FBLN5: variants seen among roughly 807,000 people sequenced by gnomAD.
FBLN5 encodes fibulin 5, also known as fibulin-5.
In FBLN5, 24 loss-of-function variants were observed where a neutral mutation model predicts 61.6. The observed-to-expected ratio is 0.39, with a 90% CI of 0.28 to 0.55. The LOEUF (loss-of-function observed/expected upper bound fraction) is 0.55, where lower values mean the gene tolerates loss of function less well. FBLN5 is among the 20% of genes least tolerant of loss of function. The pLI, the probability that FBLN5 is intolerant of heterozygous loss-of-function variation, is 0.65. For synonymous variants in FBLN5, 213 were observed against 219.8 expected, an observed-to-expected ratio of 0.97 and a Z score of 0.27; for missense variants, 470 against 594.1, an observed-to-expected ratio of 0.79 and a Z score of 2.17.
intron 3 of FBLN5, among the ~76,000 whole-genome samples, chr14:91,938,614 G>T (rs915722241): frequency 5.9e-5 from 9 of 152,214 alleles, no homozygotes; most frequent in Non-Finnish European, 1.2e-4. Flanking sequence ...ATGTCTGGAA[G>T]GGGAGAGGTG....
At chr14:91,946,911 C>T (rs540746468) in intron 1 of FBLN5, 1 of 1,461,134 alleles carries the variant, frequency 6.8e-7, no homozygotes. Flanking sequence ...TCCCTTAAAA[C>T]GACAAAGTTG....
chr14:91,876,241 G>T (rs10484030), intron 10 of FBLN5, among the ~76,000 whole-genome samples: 1 of 152,040 alleles, frequency 6.6e-6, no homozygotes, highest in East Asian at 1.9e-4. Flanking sequence ...CAGCCTTATC[G>T]GGAAGATTTC....
intron 3 of FBLN5, chr14:91,939,979 T>C (rs2056081200): frequency 2.2e-6 from 1 of 453,422 alleles, no homozygotes; most frequent in African/African-American, 2.0e-5. Context: ...AGATTCAAAG[T>C]GAGAAACGCT....
chr14:91,913,009 A>C (rs1891023829), intron 4 of FBLN5, among the ~76,000 whole-genome samples: 1 of 152,110 alleles, frequency 6.6e-6, no homozygotes, highest in African/African-American at 2.4e-5. Flanking sequence ...CTCAATATGT[A>C]CTCCATATTG....
intron 2 of FBLN5, 52 bp from the exon 3 acceptor site, chr14:91,940,668 G>T: frequency 1.3e-6 from 2 of 1,509,364 alleles, no homozygotes; most frequent in African/African-American, 2.7e-5. Flanking sequence ...CACCATAAAA[G>T]TCTTATTGCT....
chr14:91,898,047 C>T (rs1400759789), intron 4 of FBLN5, among the ~76,000 whole-genome samples: 1 of 152,112 alleles, frequency 6.6e-6, no homozygotes, highest in Non-Finnish European at 1.5e-5. Flanking sequence ...AAGACCCCAT[C>T]TCAAAAAATA....
At chr14:91,902,521 C>T (rs1353716090) in intron 4 of FBLN5, among the ~76,000 whole-genome samples, 2 of 152,122 alleles carry the variant, frequency 1.3e-5, no homozygotes, top group Admixed American at 6.5e-5. Flanking sequence ...ATTTTAATGA[C>T]ACATTTTACC....
In FBLN5 at chr14:91,869,901, A is replaced by AC; in HGVS notation, c.*322dup. ...TCACAGTCTTTGAACATAGACTCAG[A>AC]CCCCCGCAAACCTAATCTATTTTCT... On this transcript the variant is annotated 3_prime_UTR_variant, in exon 11 of 11. Coordinates refer to ENST00000342058, the MANE Select transcript of FBLN5 (RefSeq NM_006329.4). The AC allele has an allele frequency of 2.7e-6, 1 of 369,178 alleles. No individual in the cohort carries two copies. The highest frequency in any genetic ancestry group is 5.3e-6 in the Non-Finnish European group (1 of 190,048). The allele number at this position is 369,178 out of a possible 1,614,324, so 22.9% of individuals were successfully genotyped here.
At chr14:91,926,609 C>G (rs2055833097) in intron 4 of FBLN5, among the ~76,000 whole-genome samples, 1 of 152,170 alleles carries the variant, frequency 6.6e-6, no homozygotes, top group South Asian at 2.1e-4. Flanking sequence ...GGTCCCTCTT[C>G]TTCTCCCTCC....
chr14:91,894,425 A>AAG (rs1890130733), intron 5 of FBLN5, among the ~76,000 whole-genome samples: 1 of 146,876 alleles, frequency 6.8e-6, no homozygotes. Context: ...AAAAAAAAAA[A>AAG]AACCGAAAAA....
chr14:91,910,723 AC>A (rs1483763882), intron 4 of FBLN5, among the ~76,000 whole-genome samples: 1 of 152,108 alleles, frequency 6.6e-6, no homozygotes. Flanking sequence ...CTCTTCTGTA[AC>A]CCCATCTCCA....
intron 4 of FBLN5, among the ~76,000 whole-genome samples, chr14:91,921,851 G>A (rs751798619): frequency 5.3e-5 from 8 of 152,188 alleles, no homozygotes; most frequent in Non-Finnish European, 1.2e-4. Context: ...TATATTTGGG[G>A]TAGAGAAAGG....
chr14:91,893,379 C>T (rs577086698), intron 5 of FBLN5, among the ~76,000 whole-genome samples: 10 of 152,314 alleles, frequency 6.6e-5, no homozygotes, highest in East Asian at 1.9e-4. Flanking sequence ...TATTCACAGA[C>T]GCCCATGTGC....
chr14:91,914,496 A>C (rs1055789049), intron 4 of FBLN5, among the ~76,000 whole-genome samples: 1 of 150,196 alleles, frequency 6.7e-6, no homozygotes, highest in East Asian at 1.9e-4. Context: ...AAAAAAAAAA[A>C]AAAAACAACA....
At chr14:91,885,513 C>T (rs1889688421) in intron 7 of FBLN5, among the ~76,000 whole-genome samples, 1 of 152,192 alleles carries the variant, frequency 6.6e-6, no homozygotes, top group Non-Finnish European at 1.5e-5. Context: ...GAAGCAGCAG[C>T]TTCCAGCCAG....
chr14:91,907,989 A>G (rs987900447), intron 4 of FBLN5, among the ~76,000 whole-genome samples: 1 of 152,216 alleles, frequency 6.6e-6, no homozygotes, highest in Non-Finnish European at 1.5e-5. Flanking sequence ...AAATGCCATA[A>G]TAAAGTAAGC....
At chr14:91,872,082 C>A (rs1888962405) in intron 10 of FBLN5, among the ~76,000 whole-genome samples, 1 of 152,086 alleles carries the variant, frequency 6.6e-6, no homozygotes, top group Non-Finnish European at 1.5e-5. Flanking sequence ...GGTGGGGGGG[C>A]CCTGGCTGTC....
intron 4 of FBLN5, among the ~76,000 whole-genome samples, chr14:91,897,001 C>A (rs1335531257): frequency 6.6e-6 from 1 of 152,194 alleles, no homozygotes; most frequent in Non-Finnish European, 1.5e-5. Context: ...GATATGGCTA[C>A]AAATCCACCA....
At chr14:91,924,517 G>A (rs186059570) in intron 4 of FBLN5, among the ~76,000 whole-genome samples, 13 of 95,928 alleles carry the variant, frequency 1.4e-4, no homozygotes, top group Middle Eastern at 5.3e-3. Flanking sequence ...GTGAAACCCC[G>A]TCTCTTCTAA....
Sources: gnomAD v4.1 joint callset for allele counts (sites outside exome capture counted in the v4.1 genomes callset) on GRCh38, gnomAD v4.1.1 for gene constraint, MANE v1.5 for transcripts, NCBI Gene and HGNC (gene_info 2026-07-23, HGNC 2026-07-21) for gene names.